The following MITF variants were observed in gnomAD, a reference collection of about 807,000 sequenced individuals.
MITF encodes melanocyte inducing transcription factor.
In MITF, 17 loss-of-function variants were observed where a neutral mutation model predicts 60.5. The observed-to-expected ratio is 0.28, with a 90% CI of 0.19 to 0.42. MITF has a LOEUF of 0.42. Among genes scored for constraint, MITF ranks in the 10% least tolerant of loss-of-function variants. The pLI is 1.00. For missense variants in MITF, 622 were observed against 683.5 expected, an observed-to-expected ratio of 0.91 and a Z score of 1.00; for synonymous variants, 260 against 248.5, an observed-to-expected ratio of 1.05 and a Z score of -0.43.
At chr3:69,824,263 T>C (rs2063321237) in intron 1 of MITF, among the ~76,000 whole-genome samples, 1 of 152,228 alleles carries the variant, frequency 6.6e-6, no homozygotes, top group South Asian at 2.1e-4. Flanking sequence ...CTTTATTGTA[T>C]CTTGAGAAGA....
intron 1 of MITF, among the ~76,000 whole-genome samples, chr3:69,741,370 G>T (rs190102170): frequency 6.6e-6 from 1 of 152,284 alleles, no homozygotes; most frequent in East Asian, 1.9e-4. Context: ...AATCCTGAAA[G>T]AAATAAATTA....
At chr3:69,754,378 T>C (rs902983093) in intron 1 of MITF, among the ~76,000 whole-genome samples, 2 of 152,110 alleles carry the variant, frequency 1.3e-5, no homozygotes, top group African/African-American at 2.4e-5. Flanking sequence ...CAACACGCCA[T>C]GTTGGCCAGG....
intron 2 of MITF, among the ~76,000 whole-genome samples, chr3:69,914,061 C>T (rs941124009): frequency 2.6e-5 from 4 of 151,976 alleles, no homozygotes; most frequent in African/African-American, 9.7e-5. Flanking sequence ...GCTAGACAGG[C>T]AAACAGTCAC....
chr3:69,800,622 A>G (rs2062904458), intron 1 of MITF, among the ~76,000 whole-genome samples: 1 of 151,958 alleles, frequency 6.6e-6, no homozygotes, highest in South Asian at 2.1e-4. Flanking sequence ...AACACTTGTT[A>G]TTTTCAGTTA....
chr3:69,768,796 G>A (rs2106829734), intron 1 of MITF, among the ~76,000 whole-genome samples: 1 of 152,286 alleles, frequency 6.6e-6, no homozygotes, highest in Non-Finnish European at 1.5e-5. Flanking sequence ...TAATAATGTG[G>A]AGTCAAAATT....
chr3:69,963,282 T>C (rs537883900), intron 9 of MITF, among the ~76,000 whole-genome samples: 1 of 152,214 alleles, frequency 6.6e-6, no homozygotes, highest in African/African-American at 2.4e-5. Flanking sequence ...AAAAAAATAC[T>C]TCCCCTTTGC....
chr3:69,950,627 G>GTGTATATATATA (rs1460249905), intron 6 of MITF, among the ~76,000 whole-genome samples: 3 of 138,044 alleles, frequency 2.2e-5, no homozygotes, highest in African/African-American at 8.1e-5. Context: ...TATATGGTGT[G>GTGTATATATATA]TATATATATA....
chr3:69,903,442 G>A (rs1267079203), intron 2 of MITF, among the ~76,000 whole-genome samples: 1 of 152,106 alleles, frequency 6.6e-6, no homozygotes, highest in Non-Finnish European at 1.5e-5. Context: ...TAACTATCTT[G>A]CAGATGGATG....
intron 1 of MITF, among the ~76,000 whole-genome samples, chr3:69,748,166 T>TA (rs1200178791): frequency 2.0e-5 from 3 of 152,208 alleles, no homozygotes; most frequent in South Asian, 2.1e-4. Flanking sequence ...TTGACATCTT[T>TA]AAAAAAATCT....
chr3:69,965,484 G>A lies in MITF; in HGVS notation c.*236G>A, dbSNP rs2066668666. ...TTGTACAAATAAGTGTGCAGTATCT[G>A]TGAACTGAATTCACCACAGACTTTA... On this transcript the variant is annotated 3_prime_UTR_variant, in exon 10 of 10. Coordinates refer to ENST00000352241, the MANE Select transcript of MITF (RefSeq NM_001354604.2). 1 of 428,600 alleles carries A rather than the reference G, an allele frequency of 2.3e-6. No individual in the cohort carries two copies. Among genetic ancestry groups the A allele is most frequent in the African/African-American group, 2.0e-5 (1 of 51,066 alleles). 26.5% of individuals were successfully genotyped at this position (428,600 alleles called of 1,614,324 possible). A position where few individuals can be genotyped will look rare whatever the true frequency, so the allele number is the denominator to read the frequency against.
intron 1 of MITF, among the ~76,000 whole-genome samples, chr3:69,740,129 G>A (rs1703476774): frequency 6.6e-6 from 1 of 152,198 alleles, no homozygotes; most frequent in South Asian, 2.1e-4. Flanking sequence ...GCTCGGAGAG[G>A]GAGAGCTTTG....
At position 69,806,382 on chromosome 3, in the gene MITF, G is replaced by A. The variant is rs1011898409; in HGVS notation, c.104+66681G>A. Among the ~76,000 whole-genome samples the A allele has an allele frequency of 2.6e-5, 4 of 151,920 alleles. No individual in the cohort carries two copies. In the South Asian group the frequency reaches 6.2e-4, roughly 24 times the overall value. Reference sequence around the variant, plus strand: ...ATTACAGGTGTGAGCCACTGCACCCGGCCCATTTTACTAATTTTTAACTGA... The same window carrying A: ...ATTACAGGTGTGAGCCACTGCACCCAGCCCATTTTACTAATTTTTAACTGA... On this transcript the variant is annotated intron_variant, in intron 1 of 9. Transcript: ENST00000352241.
intron 6 of MITF, among the ~76,000 whole-genome samples, chr3:69,950,351 A>G (rs562294574): frequency 5.9e-4 from 90 of 151,594 alleles, no homozygotes; most frequent in African/African-American, 2.1e-3. Context: ...AGAATCATTG[A>G]AGTGGAGGGT....
chr3:69,884,195 C>G (rs2064556984), intron 2 of MITF, among the ~76,000 whole-genome samples: 1 of 152,130 alleles, frequency 6.6e-6, no homozygotes, highest in South Asian at 2.1e-4. Context: ...GAATCTCACC[C>G]TGCCTACCAC....
At chr3:69,854,202 C>T (rs2063876299) in intron 1 of MITF, among the ~76,000 whole-genome samples, 1 of 152,024 alleles carries the variant, frequency 6.6e-6, no homozygotes, top group African/African-American at 2.4e-5. Context: ...AATATTGTGG[C>T]ATATGTGATA....
In MITF at chr3:69,844,038, C is replaced by G. The variant is rs111809523; in HGVS notation, c.105-35096C>G. On this transcript the variant is annotated intron_variant, in intron 1 of 9. Transcript: ENST00000352241. ...GTTAGTTTGCTGAGAATTATGGTTT[C>G]CAGCTTCATCCATGTCCCTGCAAAG... Among the ~76,000 whole-genome samples the G allele has an allele frequency of 4.6e-5, 7 of 152,260 alleles. 1 individual carries two copies. Among genetic ancestry groups the G allele is most frequent in the African/African-American group, 1.7e-4 (7 of 41,534 alleles).
chr3:69,857,752 T>C (rs970577647), intron 1 of MITF, among the ~76,000 whole-genome samples: 3 of 152,168 alleles, frequency 2.0e-5, no homozygotes, highest in Non-Finnish European at 4.4e-5. Context: ...AATCATGATA[T>C]ATCAGTTATG....
chr3:69,879,551 T>C (rs565016685), intron 2 of MITF, among the ~76,000 whole-genome samples, 168 bp downstream of exon 2: 70 of 152,220 alleles, frequency 4.6e-4, no homozygotes, highest in Non-Finnish European at 9.0e-4. Context: ...AAAAGAAGGA[T>C]GCAAACGCAT....
chr3:69,807,182 A>G (rs2106976462), intron 1 of MITF, among the ~76,000 whole-genome samples: 1 of 152,234 alleles, frequency 6.6e-6, no homozygotes, highest in Middle Eastern at 3.4e-3. Flanking sequence ...TGGTGGTCTT[A>G]TTGCCTGACT....
Sources: allele counts gnomAD v4.1 joint callset (sites outside exome capture counted in the v4.1 genomes callset), GRCh38; gene constraint gnomAD v4.1.1; transcripts MANE v1.5; gene names NCBI Gene and HGNC (gene_info 2026-07-23, HGNC 2026-07-21).